The following CA1 variants were observed in gnomAD, a reference collection of about 807,000 sequenced individuals.
CA1 encodes carbonate dehydratase I.
Under a neutral mutation model 28.8 loss-of-function variants are expected in CA1, and 27 were observed. The observed-to-expected ratio is 0.94, with a 90% CI of 0.69 to 1.29. The LOEUF is 1.29. Ranked by LOEUF, CA1 falls within the 50% of genes most tolerant of loss-of-function variation. CA1 has a pLI of 0.00. For synonymous variants in CA1, 121 were observed against 108.8 expected (o/e 1.11, Z -0.70); for missense variants, 335 against 310.5 (o/e 1.08, Z -0.59).
rs958688017 is a variant in CA1, at chr8:85,343,871, C to T, written c.-24-2212G>A. 4.6e-5 allele frequency among the ~76,000 whole-genome samples: 7 copies of T among 151,584 alleles called. No homozygotes were observed. The Admixed American group carries it at 4.6e-4, about 10-fold the overall frequency. On this transcript the variant is annotated intron_variant, in intron 1 of 7. Transcript: ENST00000523022. ...ATGAGCCTTTATAAGTCCAAACACC[C>T]TTCCCATTTACCTTTATCCTTCTTT...
At chr8:85,345,147 T>C (rs932673868) in intron 1 of CA1, among the ~76,000 whole-genome samples, 1 of 152,208 alleles carries the variant, frequency 6.6e-6, no homozygotes, top group African/African-American at 2.4e-5. Context: ...TCAGTTGGGC[T>C]TTCTCATCAC....
At chr8:85,338,542 G>A (rs1330176717) in intron 2 of CA1, 93 bp from the exon 3 acceptor site, 6 of 947,166 alleles carry the variant, frequency 6.3e-6, no homozygotes, top group Non-Finnish European at 1.0e-5. Flanking sequence ...ATTAGATTAG[G>A]GTTTATTTCA....
rs1179824913 is a variant in CA1 at position 85,333,573 on chromosome 8, T to G, written c.402A>C (p.Glu134Asp). Residue 134 changes from glutamate (E) to aspartate (D), a missense_variant, in exon 5 of 8, where the codon GAA becomes GAC. Transcript: ENST00000523022. ...WNSAKYSSLA[E>D]AASKADGLAV... The stretch of plus-strand genomic sequence containing the variant: ...CCAAACCATCAGCCTTTGAGGCAGC[T>G]TCAGCAAGGCTGGAGTACTTTGCAG... The G allele has an allele frequency of 2.5e-6, 4 of 1,613,038 alleles. No homozygotes were observed. The highest frequency in any genetic ancestry group is 3.4e-6 in the Non-Finnish European group (4 of 1,179,272).
rs953783796 is a variant in CA1, at chr8:85,327,680, A to G, written c.*880T>C. On this transcript the variant is annotated 3_prime_UTR_variant, in exon 8 of 8. Coordinates refer to ENST00000523022, the MANE Select transcript of CA1 (RefSeq NM_001128831.4). The stretch of plus-strand genomic sequence containing the variant: ...AACAAACAAACAAACAGAAAACACC[A>G]CACTATACTCCATAAACATGTACAA... The G allele has an allele frequency of 2.0e-5, 3 of 152,130 alleles. No homozygotes were observed. Among genetic ancestry groups the G allele is most frequent in the African/African-American group, 7.2e-5 (3 of 41,430 alleles). The allele number at this position is 152,130 out of a possible 1,614,324, so 9.4% of individuals were successfully genotyped here.
chr8:85,345,786 T>C (rs1008395879), intron 1 of CA1, among the ~76,000 whole-genome samples: 1 of 152,150 alleles, frequency 6.6e-6, no homozygotes, highest in East Asian at 1.9e-4. Context: ...CTCTCAGTTC[T>C]ATTAATGGGA....
At position 85,338,424 on chromosome 8, in the gene CA1, A is replaced by T; in HGVS notation, c.63T>A (p.Tyr21Ter). ...KNGPEQWSKL[Y>*]PIANGNNQSP... ...ACTGGTTATTTCCATTGGCAATGGGATACAGCTTGCTCCATTGTTCAGGAC... is the reference window on the plus strand; with the variant it reads ...ACTGGTTATTTCCATTGGCAATGGGTTACAGCTTGCTCCATTGTTCAGGAC... Residue 21 changes from tyrosine (Y) to a stop codon, truncating the protein, a stop_gained, in exon 3 of 8, where the codon TAT becomes TAA. Transcript: ENST00000523022. LOFTEE classifies it high-confidence loss of function. 1 of 1,613,882 alleles carries T rather than the reference A, an allele frequency of 6.2e-7. No homozygotes were observed. The highest frequency in any genetic ancestry group is 8.5e-7 in the Non-Finnish European group (1 of 1,179,878).
intron 1 of CA1, among the ~76,000 whole-genome samples, chr8:85,362,608 G>C (rs997056730): frequency 6.6e-5 from 10 of 152,144 alleles, no homozygotes; most frequent in Non-Finnish European, 1.3e-4. Flanking sequence ...AAAGATTCAG[G>C]GATTTTGCTT....
intron 1 of CA1, among the ~76,000 whole-genome samples, chr8:85,356,830 G>A (rs997005893): frequency 1.3e-5 from 2 of 152,080 alleles, no homozygotes; most frequent in South Asian, 4.1e-4. Context: ...TATTCTTTGT[G>A]TACTAGAGGA....
At chr8:85,367,497 T>C (rs1057142705) in intron 1 of CA1, among the ~76,000 whole-genome samples, 5 of 152,214 alleles carry the variant, frequency 3.3e-5, no homozygotes, top group Admixed American at 1.3e-4. Context: ...AAGCTAGGGA[T>C]AAGTTCTGAA....
At chr8:85,341,540 T>C in intron 2 of CA1, 59 bp downstream of exon 2, 1 of 1,020,328 alleles carries the variant, frequency 9.8e-7, no homozygotes, top group South Asian at 1.3e-5. Context: ...TTAATATCTT[T>C]TCTGTTGGAA....
chr8:85,366,749 A>T (rs1810022333), intron 1 of CA1, among the ~76,000 whole-genome samples: 1 of 152,220 alleles, frequency 6.6e-6, no homozygotes, highest in African/African-American at 2.4e-5. Context: ...ATACTAGACA[A>T]GTGCATTTGT....
intron 7 of CA1, among the ~76,000 whole-genome samples, chr8:85,329,186 A>G (rs1372565849): frequency 1.3e-5 from 2 of 152,194 alleles, no homozygotes; most frequent in African/African-American, 4.8e-5. Flanking sequence ...TGGCTAATAA[A>G]ACATATGTAA....
chr8:85,350,227 T>C (rs1338125042), intron 1 of CA1, among the ~76,000 whole-genome samples: 2 of 152,180 alleles, frequency 1.3e-5, no homozygotes, highest in African/African-American at 2.4e-5. Context: ...ATGTTTGATA[T>C]CACGTAACTC....
rs995894529 is a variant in CA1, at chr8:85,368,981, G to C, written c.-25+9065C>G. Among the ~76,000 whole-genome samples, 6 of 152,060 alleles carry C rather than the reference G, an allele frequency of 3.9e-5. No individual in the cohort carries two copies. In the East Asian group the frequency reaches 1.2e-3, roughly 29 times the overall value. ...TTTTTTCCAGGGAGGCTCGAAAAAAGCTTCCCTTGCAGTTTGAGTTTGAAG... is the reference window on the plus strand; with the variant it reads ...TTTTTTCCAGGGAGGCTCGAAAAAACCTTCCCTTGCAGTTTGAGTTTGAAG... On this transcript the variant is annotated intron_variant, in intron 1 of 7. Transcript: ENST00000523022.
At chr8:85,362,979 T>C (rs1809856396) in intron 1 of CA1, among the ~76,000 whole-genome samples, 1 of 152,238 alleles carries the variant, frequency 6.6e-6, no homozygotes, top group Non-Finnish European at 1.5e-5. Context: ...TCAGTTCCCT[T>C]GTGGCACAAT....
At chr8:85,331,254 A>G (rs1808381733) in intron 6 of CA1, among the ~76,000 whole-genome samples, 1 of 152,046 alleles carries the variant, frequency 6.6e-6, no homozygotes, top group African/African-American at 2.4e-5. Context: ...GTTATAAAAA[A>G]TTTTGTCTCT....
intron 1 of CA1, among the ~76,000 whole-genome samples, chr8:85,355,760 G>A (rs564910047): frequency 1.3e-3 from 203 of 151,750 alleles, no homozygotes; most frequent in Non-Finnish European, 2.6e-3. Context: ...GTGATTAAGT[G>A]CATTTTATTT....
chr8:85,335,765 AT>A (rs1448833872), intron 4 of CA1, among the ~76,000 whole-genome samples: 5 of 152,298 alleles, frequency 3.3e-5, no homozygotes, highest in African/African-American at 1.2e-4. Context: ...CTCTTAGTCC[AT>A]TTAATTTTAA....
At position 85,336,946 on chromosome 8, in the gene CA1, T is replaced by C. The variant is rs1205246089; in HGVS notation, c.353A>G (p.Glu118Gly). The C allele has an allele frequency of 1.9e-6, 3 of 1,572,838 alleles. No homozygotes were observed. Among genetic ancestry groups the C allele is most frequent in the Middle Eastern group, 1.7e-4 (1 of 5,986 alleles). ...CTCTCACTTACTAAATTACATTACCTCGGCAGAATATTTGACTCCATCCAC... is the reference window on the plus strand; with the variant it reads ...CTCTCACTTACTAAATTACATTACCCCGGCAGAATATTTGACTCCATCCAC... ...HTVDGVKYSA[E>G]LHVAHWNSAK... Residue 118 changes from glutamate to glycine, a missense_variant and splice_region_variant, in exon 4 of 8, where the codon GAG (glutamate) becomes GGG (glycine). Coordinates refer to ENST00000523022, the MANE Select transcript of CA1 (RefSeq NM_001128831.4).
Sources: allele counts gnomAD v4.1 joint callset (sites outside exome capture counted in the v4.1 genomes callset), GRCh38; gene constraint gnomAD v4.1.1; transcripts MANE v1.5; gene names NCBI Gene and HGNC (gene_info 2026-07-23, HGNC 2026-07-21).